The following ZNF611 variants were observed in gnomAD, a reference collection of about 807,000 sequenced individuals.
ZNF611 encodes zinc finger protein 611.
Under a neutral mutation model 8.9 loss-of-function variants are expected in ZNF611, and 6 were observed. That is an observed-to-expected ratio of 0.68 (90% CI 0.37 to 1.34). The LOEUF (loss-of-function observed/expected upper bound fraction) is 1.34, where lower values mean the gene tolerates loss of function less well. Among genes scored for constraint, ZNF611 ranks in the 40% most tolerant of loss-of-function variants. The probability of loss-of-function intolerance (pLI) is 0.02; values close to 1 mark genes in which losing one functional copy is unlikely to be tolerated. For synonymous variants in ZNF611, 262 were observed against 279.7 expected (o/e 0.94, Z 0.63); for missense variants, 874 against 841.3 (o/e 1.04, Z -0.48).
chr19:52,718,101 T>C (rs983633268), intron 3 of ZNF611, among the ~76,000 whole-genome samples: 39 of 152,032 alleles, frequency 2.6e-4, no homozygotes, highest in African/African-American at 8.7e-4. Flanking sequence ...TCCCAGCACT[T>C]TGGGAGGCCA....
intron 4 of ZNF611, among the ~76,000 whole-genome samples, chr19:52,714,653 C>G (rs2547950): frequency 1.6e-3 from 208 of 127,064 alleles, no homozygotes; most frequent in Non-Finnish European, 2.9e-3. Flanking sequence ...GCACCACTGC[C>G]CTCCATCCTG....
chr19:52,704,901 T>A lies in ZNF611; in HGVS notation c.*36A>T, dbSNP rs1367474847. On this transcript the variant is annotated 3_prime_UTR_variant, in exon 6 of 6. Coordinates refer to ENST00000652185, the MANE Select transcript of ZNF611 (RefSeq NM_001161499.2). The stretch of plus-strand genomic sequence containing the variant: ...ATTCTCCTATGTCTTTAAGGTGTGA[T>A]TTCCAAATGGAAACTTTGTCACATG... 6.2e-7 allele frequency: 1 copy of A among 1,612,056 alleles called. No homozygotes were observed. The highest frequency in any genetic ancestry group is 8.5e-7 in the Non-Finnish European group (1 of 1,179,010).
chr19:52,725,626 A>G (rs1442177602), intron 3 of ZNF611, among the ~76,000 whole-genome samples: 11 of 152,214 alleles, frequency 7.2e-5, no homozygotes, highest in Non-Finnish European at 1.0e-4. Flanking sequence ...GAAGACAGGC[A>G]AGAATTTCCA....
rs576309367 is a variant in ZNF611, at chr19:52,730,470, G to A, written c.-221-465C>T. 6.0e-5 allele frequency among the ~76,000 whole-genome samples: 9 copies of A among 150,754 alleles called. No homozygotes were observed. In the South Asian group the frequency reaches 8.5e-4, roughly 14 times the overall value. On this transcript the variant is annotated intron_variant, in intron 1 of 5. Coordinates refer to ENST00000652185, the MANE Select transcript of ZNF611 (RefSeq NM_001161499.2). ...CTGAAAGATTATATTGGCCAAAAGCGATGTTCAGAGTTGTGTCCAATAGGA... is the reference window on the plus strand; with the variant it reads ...CTGAAAGATTATATTGGCCAAAAGCAATGTTCAGAGTTGTGTCCAATAGGA...
chr19:52,711,466 G>A (rs2062279525), intron 5 of ZNF611, among the ~76,000 whole-genome samples: 1 of 152,174 alleles, frequency 6.6e-6, no homozygotes, highest in Non-Finnish European at 1.5e-5. Flanking sequence ...CGGTAAGTGA[G>A]GGACAAGACT....
chr19:52,717,700 A>G, intron 3 of ZNF611: 1 of 984,866 alleles, frequency 1.0e-6, no homozygotes, highest in Non-Finnish European at 1.2e-6. Flanking sequence ...ATCTGTAGAG[A>G]ATATTATGGA....
At chr19:52,725,503 A>G (rs911958702) in intron 3 of ZNF611, among the ~76,000 whole-genome samples, 25 of 152,338 alleles carry the variant, frequency 1.6e-4, no homozygotes, top group Admixed American at 1.6e-3. Context: ...GGAAGTGTAT[A>G]CATTGCCCTA....
chr19:52,712,607 C>G (rs569338685), intron 5 of ZNF611, among the ~76,000 whole-genome samples: 33 of 149,028 alleles, frequency 2.2e-4, no homozygotes, highest in Non-Finnish European at 4.4e-4. Flanking sequence ...CACTGCACTC[C>G]AGCATGGGTG....
chr19:52,730,637 T>C (rs1289788546), intron 1 of ZNF611, among the ~76,000 whole-genome samples: 1 of 151,862 alleles, frequency 6.6e-6, no homozygotes, highest in East Asian at 1.9e-4. Context: ...CAGGCTGGAG[T>C]GCAATGTCAC....
chr19:52,723,652 A>G (rs1036881451), intron 3 of ZNF611: 2 of 152,232 alleles, frequency 1.3e-5, no homozygotes, highest in Non-Finnish European at 2.9e-5. Context: ...CAACGTATAG[A>G]GAAAGAACAG....
intron 1 of ZNF611, among the ~76,000 whole-genome samples, chr19:52,734,783 T>C (rs564060631): frequency 3.3e-5 from 5 of 151,894 alleles, no homozygotes; most frequent in South Asian, 4.2e-4. Context: ...AGTGTATACA[T>C]TGACCTATAG....
At chr19:52,714,359 G>A (rs188186457) in intron 4 of ZNF611, among the ~76,000 whole-genome samples, 2 of 151,942 alleles carry the variant, frequency 1.3e-5, no homozygotes, top group East Asian at 1.9e-4. Context: ...CGGAAATCTC[G>A]ATTTTATGGA....
Position 52,705,596 on chromosome 19 carries a change from A to G in ZNF611, c.1459T>C (p.Cys487Arg), listed in dbSNP as rs773268049. The change falls in exon 6 of 6, where the codon TGT becomes CGT. Residue 487 changes from cysteine to arginine, a missense_variant. Cys to Arg is a radical substitution (Grantham distance 180). Coordinates refer to ENST00000652185, the MANE Select transcript of ZNF611 (RefSeq NM_001161499.2). The stretch of plus-strand genomic sequence containing the variant: ...GAATTTTGACCAAAGGTCTTCCCAC[A>G]TTCATTACACTTGTAAGGTTTTTCT... ...CGEKPYKCNE[C>R]GKTFGQNSDL... The G allele has an allele frequency of 4.0e-5, 65 of 1,613,882 alleles. No homozygotes were observed. The highest frequency in any genetic ancestry group is 6.7e-5 in the African/African-American group (5 of 74,858).
chr19:52,734,102 TA>T lies in ZNF611; in HGVS notation c.-222+898del, dbSNP rs1199965819. On this transcript the variant is annotated intron_variant, in intron 1 of 5. Coordinates refer to ENST00000652185, the MANE Select transcript of ZNF611 (RefSeq NM_001161499.2). ...TCTCCCTCTTTGCTGCCACTCCCCCTACCTTGTGATCCTTCATCTCTCTGTA... is the reference window on the plus strand; with the variant it reads ...TCTCCCTCTTTGCTGCCACTCCCCCTCCTTGTGATCCTTCATCTCTCTGTA... Among the ~76,000 whole-genome samples, 7 of 136,352 alleles carry T rather than the reference TA, an allele frequency of 5.1e-5. No individual in the cohort carries two copies. In the East Asian group the frequency reaches 1.1e-3, roughly 21 times the overall value. 89.5% of individuals were successfully genotyped at this position (136,352 alleles called of 152,430 possible). A position where few individuals can be genotyped will look rare whatever the true frequency, so the allele number is the denominator to read the frequency against.
At position 52,715,813 on chromosome 19, in the gene ZNF611, C is replaced by A. The variant is rs1470275883; in HGVS notation, c.63+19G>T. 2 of 1,609,590 alleles carry A rather than the reference C, an allele frequency of 1.2e-6. No individual in the cohort carries two copies. Among genetic ancestry groups the A allele is most frequent in the Non-Finnish European group, 1.7e-6 (2 of 1,179,690 alleles). On this transcript the variant is annotated intron_variant, in intron 4 of 5. Transcript: ENST00000652185. ...GAAACGAAAGACACAGATTAATCCA[C>A]AGAGGAATATCACTTCACCTGAGGA...
chr19:52,706,686 A>G lies in ZNF611; in HGVS notation c.369T>C (p.Asn123=). 1 of 1,614,006 alleles carries G rather than the reference A, an allele frequency of 6.2e-7. No individual in the cohort carries two copies. Residue 123 remains asparagine, a synonymous_variant, in exon 6 of 6, where the codon AAT becomes AAC. Transcript: ENST00000652185. ...TTTTTGTCATGGGTGCTTCAAGGCC[A>G]TTTCTTTCATCTTCTTGACACTGAA... is the stretch of plus-strand genomic sequence containing the variant. The part of the protein sequence containing the change: ...IEFQCQEDER[N]GLEAPMTKIK...
intron 5 of ZNF611, among the ~76,000 whole-genome samples, chr19:52,710,226 A>AT (rs574509484): frequency 0.015 from 2,033 of 132,512 alleles, 25 homozygotes; most frequent in African/African-American, 0.036. Context: ...TGCCTGGCTA[A>AT]TTTTTTTTTT....
chr19:52,714,138 G>A lies in ZNF611; in HGVS notation c.67C>T (p.Arg23Cys), dbSNP rs988744334. The A allele has an allele frequency of 9.3e-6, 15 of 1,612,592 alleles. No individual in the cohort carries two copies. Among genetic ancestry groups the A allele is most frequent in the African/African-American group, 1.3e-5 (1 of 74,788 alleles). Residue 23 changes from arginine to cysteine, a missense_variant, in exon 5 of 6, where the codon CGC (arginine) becomes TGC (cysteine). Physicochemically the swap from Arg to Cys is radical, Grantham distance 180. Coordinates refer to ENST00000652185, the MANE Select transcript of ZNF611 (RefSeq NM_001161499.2). The part of the protein sequence containing the change: ...KEPGMALPQG[R>C]LTFRDVAIEF... ...ATAGCCACATCCCGGAAAGTCAAGC[G>A]TCCCTAAAATGAAACACACATTTCA...
intron 3 of ZNF611, among the ~76,000 whole-genome samples, chr19:52,725,792 G>T (rs1448606462): frequency 1.3e-5 from 2 of 152,298 alleles, no homozygotes; most frequent in Non-Finnish European, 2.9e-5. Context: ...AGCCAGTCCC[G>T]GGTGGGGCCC....
Sources: allele counts gnomAD v4.1 joint callset (sites outside exome capture counted in the v4.1 genomes callset), GRCh38; gene constraint gnomAD v4.1.1; transcripts MANE v1.5; gene names NCBI Gene and HGNC (gene_info 2026-07-23, HGNC 2026-07-21).